GRID2: variants seen among roughly 807,000 people sequenced by gnomAD.
GRID2 encodes glutamate receptor ionotropic, delta-2.
In GRID2, 33 loss-of-function variants were observed where a neutral mutation model predicts 114.8. That is an observed-to-expected ratio of 0.29 (90% CI 0.22 to 0.38). The LOEUF is 0.38. Ranked by LOEUF, GRID2 falls within the 10% of genes least tolerant of loss-of-function variation. The pLI is 1.00. For synonymous variants in GRID2, 505 were observed against 449.9 expected, an observed-to-expected ratio of 1.12 and a Z score of -1.55; for missense variants, 1,184 against 1,257.7, an observed-to-expected ratio of 0.94 and a Z score of 0.89.
At chr4:92,667,596 G>A (rs1732852262) in intron 2 of GRID2, among the ~76,000 whole-genome samples, 1 of 151,410 alleles carries the variant, frequency 6.6e-6, no homozygotes, top group South Asian at 2.1e-4. Flanking sequence ...GCTACTCAAT[G>A]CATACTTCTT....
intron 14 of GRID2, among the ~76,000 whole-genome samples, chr4:93,682,475 T>C (rs1277833312): frequency 6.6e-6 from 1 of 151,928 alleles, no homozygotes; most frequent in Non-Finnish European, 1.5e-5. Context: ...TAAAGACACA[T>C]GCACATGTAT....
intron 4 of GRID2, among the ~76,000 whole-genome samples, chr4:93,199,273 C>T (rs1183921457): frequency 6.6e-6 from 1 of 152,144 alleles, no homozygotes; most frequent in Non-Finnish European, 1.5e-5. Context: ...ATTTTTAAAT[C>T]TTTATTCTCA....
At chr4:93,028,036 G>A (rs903397781) in intron 2 of GRID2, among the ~76,000 whole-genome samples, 5 of 152,070 alleles carry the variant, frequency 3.3e-5, no homozygotes, top group Admixed American at 2.0e-4. Context: ...ACTTGGAAAT[G>A]TTCCTGCTGC....
At chr4:92,666,650 G>GTTTTTTTTTTTTTTTTTTTTTTTTTTTT (rs70942922) in intron 2 of GRID2, among the ~76,000 whole-genome samples, 11 of 68,594 alleles carry the variant, frequency 1.6e-4, no homozygotes, top group Non-Finnish European at 2.2e-4. Context: ...CTTAAGGGTT[G>GTTTTTTTTTTTTTTTTTTTTTTTTTTTT]TTTTTTTTTT....
At position 93,422,979 on chromosome 4, in the gene GRID2, C is replaced by T. The variant is rs1206546390; in HGVS notation, c.1545+11C>T. The T allele has an allele frequency of 6.4e-7, 1 of 1,563,728 alleles. No homozygotes were observed. The highest frequency in any genetic ancestry group is 1.4e-5 in the African/African-American group (1 of 73,772). ...GAACTTGTCTTTAAGGTAAGAATTACTTTATTTATTTGTCTCATACTTAAA... is the reference window on the plus strand; with the variant it reads ...GAACTTGTCTTTAAGGTAAGAATTATTTTATTTATTTGTCTCATACTTAAA... On this transcript the variant is annotated intron_variant, in intron 10 of 15. Coordinates refer to ENST00000282020, the MANE Select transcript of GRID2 (RefSeq NM_001510.4).
chr4:93,242,709 G>GGA (rs1339851089), intron 8 of GRID2, among the ~76,000 whole-genome samples: 2 of 151,866 alleles, frequency 1.3e-5, no homozygotes, highest in Non-Finnish European at 2.9e-5. Context: ...TTATGTTTGG[G>GGA]GAGAGAGAGA....
At position 93,172,927 on chromosome 4, in the gene GRID2, T is replaced by G. The variant is rs564894385; in HGVS notation, c.736-34477T>G. ...CATCTTAAACTTTTTTTTTTTTCAG[T>G]TCAATGATTCACTATTGCTCTGCCA... On this transcript the variant is annotated intron_variant, in intron 4 of 15. Coordinates refer to ENST00000282020, the MANE Select transcript of GRID2 (RefSeq NM_001510.4). Among the ~76,000 whole-genome samples the G allele has an allele frequency of 4.3e-3, 648 of 152,118 alleles. 3 individuals are homozygous for G. Among genetic ancestry groups the G allele is most frequent in the Non-Finnish European group, 7.1e-3 (484 of 67,986 alleles).
intron 2 of GRID2, among the ~76,000 whole-genome samples, chr4:92,763,004 G>C (rs1389983349): frequency 3.3e-5 from 5 of 152,128 alleles, no homozygotes; most frequent in Admixed American, 6.5e-5. Flanking sequence ...TGTTATATAA[G>C]TCTGGGGATT....
At chr4:93,549,917 C>T (rs1345586516) in intron 13 of GRID2, among the ~76,000 whole-genome samples, 2 of 152,120 alleles carry the variant, frequency 1.3e-5, no homozygotes, top group East Asian at 1.9e-4. Context: ...TACTACTCTG[C>T]TTCTTGCTTA....
At chr4:93,600,551 AG>A (rs1238660004) in intron 13 of GRID2, among the ~76,000 whole-genome samples, 1 of 152,126 alleles carries the variant, frequency 6.6e-6, no homozygotes, top group Admixed American at 6.6e-5. Flanking sequence ...AGCTAGAATT[AG>A]AAAGACTAAT....
chr4:93,332,781 G>T (rs933266222), intron 8 of GRID2, among the ~76,000 whole-genome samples: 4 of 152,026 alleles, frequency 2.6e-5, no homozygotes, highest in Non-Finnish European at 5.9e-5. Flanking sequence ...TAGCTTTCTT[G>T]TTTTCTTGGA....
intron 4 of GRID2, among the ~76,000 whole-genome samples, chr4:93,163,060 T>A (rs1351861879): frequency 1.3e-5 from 2 of 151,882 alleles, no homozygotes; most frequent in Non-Finnish European, 2.9e-5. Flanking sequence ...TCCTCTTTTT[T>A]AAAAAATCAA....
At chr4:92,485,295 T>A (rs1722807274) in intron 1 of GRID2, among the ~76,000 whole-genome samples, 1 of 86,122 alleles carries the variant, frequency 1.2e-5, no homozygotes, top group Non-Finnish European at 2.2e-5. Flanking sequence ...ATAAATAAGG[T>A]GTGTGCATAT....
intron 2 of GRID2, among the ~76,000 whole-genome samples, chr4:92,815,660 C>T (rs1166030274): frequency 1.3e-5 from 2 of 151,786 alleles, no homozygotes; most frequent in East Asian, 3.9e-4. Context: ...TACCTGTAAT[C>T]TCAATACTTT....
intron 10 of GRID2, among the ~76,000 whole-genome samples, chr4:93,427,610 A>G (rs1768981491): frequency 6.6e-6 from 1 of 152,044 alleles, no homozygotes; most frequent in Non-Finnish European, 1.5e-5. Flanking sequence ...TGATTATTCC[A>G]CAGTGATTAG....
intron 14 of GRID2, among the ~76,000 whole-genome samples, chr4:93,768,721 G>A (rs1733875406): frequency 1.3e-5 from 2 of 152,164 alleles, no homozygotes; most frequent in Admixed American, 1.3e-4. Context: ...TTTGTGTGTA[G>A]CATATGCTGG....
chr4:93,672,294 G>A (rs1724494502), intron 14 of GRID2, among the ~76,000 whole-genome samples: 1 of 152,204 alleles, frequency 6.6e-6, no homozygotes, highest in African/African-American at 2.4e-5. Context: ...CACCACAGAT[G>A]TAACTCCATA....
chr4:92,359,905 TC>T, intron 1 of GRID2, among the ~76,000 whole-genome samples: 1 of 152,080 alleles, frequency 6.6e-6, no homozygotes, highest in Non-Finnish European at 1.5e-5. Context: ...TGAAAAAAAA[TC>T]TTTATAGTTG....
At chr4:93,617,915 C>T (rs996202771) in intron 13 of GRID2, among the ~76,000 whole-genome samples, 1 of 152,146 alleles carries the variant, frequency 6.6e-6, no homozygotes, top group Non-Finnish European at 1.5e-5. Flanking sequence ...TATGCCATAT[C>T]CATCTGCTAC....
Sources: gnomAD v4.1 joint callset for allele counts (sites outside exome capture counted in the v4.1 genomes callset) on GRCh38, gnomAD v4.1.1 for gene constraint, MANE v1.5 for transcripts, NCBI Gene and HGNC (gene_info 2026-07-23, HGNC 2026-07-21) for gene names.